TBX15: variants seen among roughly 807,000 people sequenced by gnomAD.
The protein encoded by TBX15 is T-box transcription factor TBX15.
In TBX15, 18 loss-of-function variants were observed where a neutral mutation model predicts 53.9. The observed-to-expected ratio is 0.33, with a 90% CI of 0.23 to 0.49. The LOEUF (loss-of-function observed/expected upper bound fraction) is 0.49. TBX15 is among the 20% of genes least tolerant of loss of function. The probability of loss-of-function intolerance (pLI) is 0.98; values close to 1 mark genes in which losing one functional copy is unlikely to be tolerated. For synonymous variants in TBX15, 295 were observed against 278.0 expected (o/e 1.06, Z -0.61); for missense variants, 692 against 749.5 (o/e 0.92, Z 0.90).
intron 5 of TBX15, among the ~76,000 whole-genome samples, chr1:118,918,900 C>A (rs564255159): frequency 5.9e-4 from 90 of 152,210 alleles, no homozygotes; most frequent in African/African-American, 2.1e-3. Context: ...TAACACTCTT[C>A]GTTATTTTTA....
At chr1:118,895,031 G>T (rs140702315) in intron 7 of TBX15, among the ~76,000 whole-genome samples, 2 of 152,150 alleles carry the variant, frequency 1.3e-5, no homozygotes, top group African/African-American at 4.8e-5. Context: ...TTACAGTGAC[G>T]TCATAGTTCA....
At chr1:118,908,797 T>C (rs150476426) in intron 6 of TBX15, among the ~76,000 whole-genome samples, 218 of 151,144 alleles carry the variant, frequency 1.4e-3, no homozygotes, top group African/African-American at 4.8e-3. Context: ...TATATAGGTA[T>C]ACTTATACTT....
At chr1:118,975,184 T>G (rs1285004398) in intron 1 of TBX15, among the ~76,000 whole-genome samples, 1 of 152,188 alleles carries the variant, frequency 6.6e-6, no homozygotes, top group Non-Finnish European at 1.5e-5. Flanking sequence ...ACTGAGATTT[T>G]TGTGCATTAA....
chr1:118,942,267 C>T (rs1229240285), intron 1 of TBX15, among the ~76,000 whole-genome samples: 2 of 152,220 alleles, frequency 1.3e-5, no homozygotes, highest in African/African-American at 4.8e-5. Flanking sequence ...GGGCAGCAAT[C>T]TATGTCATCC....
At chr1:118,968,895 G>A (rs1657141952) in intron 1 of TBX15, among the ~76,000 whole-genome samples, 1 of 152,146 alleles carries the variant, frequency 6.6e-6, no homozygotes, top group Non-Finnish European at 1.5e-5. Context: ...TATCTCCATC[G>A]TGAATACCAG....
chr1:118,950,639 C>T (rs1359332568), intron 1 of TBX15, among the ~76,000 whole-genome samples: 1 of 152,176 alleles, frequency 6.6e-6, no homozygotes, highest in Non-Finnish European at 1.5e-5. Context: ...CCTGACCTCT[C>T]ATGTGGTTTT....
intron 7 of TBX15, among the ~76,000 whole-genome samples, chr1:118,887,713 C>T (rs1653994169): frequency 6.7e-6 from 1 of 148,292 alleles, no homozygotes; most frequent in Non-Finnish European, 1.5e-5. Context: ...CACTGGAATA[C>T]AAAGAAACCA....
At chr1:118,966,670 C>A (rs1174724371) in intron 1 of TBX15, among the ~76,000 whole-genome samples, 1 of 152,192 alleles carries the variant, frequency 6.6e-6, no homozygotes, top group Non-Finnish European at 1.5e-5. Flanking sequence ...AGCAACAGGT[C>A]TATCCCAACA....
At chr1:118,917,872 A>G (rs1285541069) in intron 5 of TBX15, among the ~76,000 whole-genome samples, 1 of 152,188 alleles carries the variant, frequency 6.6e-6, no homozygotes, top group Non-Finnish European at 1.5e-5. Flanking sequence ...CAGAGCCAGC[A>G]GGCCCTTACT....
intron 1 of TBX15, among the ~76,000 whole-genome samples, chr1:118,969,825 A>T (rs1200734219): frequency 6.6e-6 from 1 of 152,242 alleles, no homozygotes; most frequent in Non-Finnish European, 1.5e-5. Context: ...CTCTTTTCCC[A>T]TGCTTGGAGC....
At chr1:118,896,091 T>A (rs1469050577) in intron 7 of TBX15, among the ~76,000 whole-genome samples, 6 of 152,158 alleles carry the variant, frequency 3.9e-5, no homozygotes, top group Non-Finnish European at 7.4e-5. Context: ...TTTTTTGTAG[T>A]TTTTTTAGCT....
rs1655792051 is a variant in TBX15, at chr1:118,931,770, T to C, written c.268A>G (p.Ser90Gly). 2 of 1,611,610 alleles carry C rather than the reference T, an allele frequency of 1.2e-6. No homozygotes were observed. The highest frequency in any genetic ancestry group is 4.5e-5 in the East Asian group (2 of 44,812). ...CCAGAGGCCAGGTCAGTGTGAGTAC[T>C]GAAGGAGCAGGAAGTCCGCTCAGTG... ...VLTERTSCSF[S>G]THTDLASGAA... Residue 90 changes from serine (S) to glycine (G), a missense_variant, in exon 2 of 8, where the codon AGT (serine) becomes GGT (glycine). Ser to Gly is a moderately conservative substitution (Grantham distance 56). Coordinates refer to ENST00000369429, the MANE Select transcript of TBX15 (RefSeq NM_001330677.2).
intron 1 of TBX15, among the ~76,000 whole-genome samples, chr1:118,978,710 ATAAG>A: frequency 6.6e-6 from 1 of 152,332 alleles, no homozygotes. Context: ...ATATATCCAC[ATAAG>A]TAAGTAAAGT....
At chr1:118,983,580 G>T (rs916464622) in intron 1 of TBX15, among the ~76,000 whole-genome samples, 8 of 152,176 alleles carry the variant, frequency 5.3e-5, no homozygotes, top group African/African-American at 1.7e-4. Context: ...CTTCACACAA[G>T]GTCACTTACC....
At chr1:118,958,745 TATTAGGCATGTTGAGA>T (rs1656773740) in intron 1 of TBX15, among the ~76,000 whole-genome samples, 1 of 152,046 alleles carries the variant, frequency 6.6e-6, no homozygotes, top group African/African-American at 2.4e-5. Context: ...TGTCTTATCT[TATTAGGCATGTTGAGA>T]TGCTCACCAA....
intron 1 of TBX15, among the ~76,000 whole-genome samples, chr1:118,971,432 C>T (rs1193282875): frequency 6.6e-6 from 1 of 152,184 alleles, no homozygotes; most frequent in African/African-American, 2.4e-5. Context: ...AAACCCATCA[C>T]TAAAGTTTGA....
intron 1 of TBX15, among the ~76,000 whole-genome samples, chr1:118,968,392 A>G (rs900998808): frequency 1.3e-5 from 2 of 152,092 alleles, no homozygotes; most frequent in Non-Finnish European, 2.9e-5. Flanking sequence ...TTTTTAGTAG[A>G]GATGGGGTTT....
intron 4 of TBX15, among the ~76,000 whole-genome samples, chr1:118,924,430 A>G (rs374742990): frequency 6.6e-6 from 1 of 152,324 alleles, no homozygotes. Flanking sequence ...TGTCTGGTAA[A>G]CACAACTTGA....
At chr1:118,988,995 G>A (rs949505253), upstream of TBX15, among the ~76,000 whole-genome samples, 1 of 152,212 alleles carries the variant, frequency 6.6e-6, no homozygotes, top group Admixed American at 6.5e-5. Context: ...AGGGGCGGGC[G>A]GCGGAGCGCG....
Sources: gnomAD v4.1 joint callset for allele counts (sites outside exome capture counted in the v4.1 genomes callset) on GRCh38, gnomAD v4.1.1 for gene constraint, MANE v1.5 for transcripts, NCBI Gene and HGNC (gene_info 2026-07-23, HGNC 2026-07-21) for gene names.